SNX29: variants seen among roughly 807,000 people sequenced by gnomAD.
The protein encoded by SNX29 is sorting nexin-29.
In SNX29, 78 loss-of-function variants were observed where a neutral mutation model predicts 102.1. The observed-to-expected ratio is 0.76, with a 90% CI of 0.64 to 0.92. The LOEUF is 0.92. SNX29 is among the 40% of genes least tolerant of loss of function. The pLI is 0.00. For missense variants in SNX29, 1,280 were observed against 1,061.7 expected (o/e 1.21, Z -2.86); for synonymous variants, 580 against 414.5 (o/e 1.40, Z -4.85).
rs562202203 is a variant in SNX29, at chr16:12,571,137, C to T, written c.*2508C>T. The T allele has an allele frequency of 8.1e-4, 189 of 232,682 alleles. No individual in the cohort carries two copies. The highest frequency in any genetic ancestry group is 4.1e-3 in the African/African-American group (184 of 45,398). 14.4% of individuals were successfully genotyped at this position (232,682 alleles called of 1,614,324 possible). A position where few individuals can be genotyped will look rare whatever the true frequency, so the allele number is the denominator to read the frequency against. On this transcript the variant is annotated 3_prime_UTR_variant, in exon 21 of 21. Transcript: ENST00000566228. ...ATAGAATGTTCTGCAATGATTGGGTCCATCTTGCTGCTCAGAAGAATCCCG... is the reference window on the plus strand; with the variant it reads ...ATAGAATGTTCTGCAATGATTGGGTTCATCTTGCTGCTCAGAAGAATCCCG...
At chr16:12,001,711 A>G (rs1333460111) in intron 2 of SNX29, among the ~76,000 whole-genome samples, 1 of 152,188 alleles carries the variant, frequency 6.6e-6, no homozygotes, top group Non-Finnish European at 1.5e-5. Context: ...CAGAGATACT[A>G]TACCTTTAAA....
At chr16:12,129,334 G>A (rs1462351185) in intron 12 of SNX29, among the ~76,000 whole-genome samples, 3 of 152,182 alleles carry the variant, frequency 2.0e-5, no homozygotes, top group Non-Finnish European at 4.4e-5. Flanking sequence ...GACTTGGCTG[G>A]AATTTGCTCA....
At chr16:12,256,204 A>G (rs557782245) in intron 14 of SNX29, among the ~76,000 whole-genome samples, 1 of 152,240 alleles carries the variant, frequency 6.6e-6, no homozygotes, top group East Asian at 1.9e-4. Context: ...TCCTGTGTCC[A>G]TTTTTTAATC....
At chr16:12,347,914 C>CAAA (rs386384275) in intron 15 of SNX29, among the ~76,000 whole-genome samples, 66 of 121,118 alleles carry the variant, frequency 5.4e-4, no homozygotes, top group East Asian at 4.6e-3. Context: ...CCTGTCTTTA[C>CAAA]AAAAAAAAAA....
At chr16:12,529,072 A>C (rs766165728) in intron 20 of SNX29, among the ~76,000 whole-genome samples, 1 of 152,234 alleles carries the variant, frequency 6.6e-6, no homozygotes, top group South Asian at 2.1e-4. Context: ...CCATCTGCAC[A>C]AATCTGAGTT....
Position 12,042,793 on chromosome 16 carries a change from T to C in SNX29, c.248-104T>C, listed in dbSNP as rs1270686078. On this transcript the variant is annotated intron_variant, in intron 4 of 20. Coordinates refer to ENST00000566228, the MANE Select transcript of SNX29 (RefSeq NM_032167.5). ...TCCTACCTTTTCCATGCTAAGGGGA[T>C]ACTCTGTTACAATCTCCAACTTCGC... 4 of 1,159,110 alleles carry C rather than the reference T, an allele frequency of 3.5e-6. No individual in the cohort carries two copies. The African/African-American group carries it at 6.2e-5, about 18-fold the overall frequency. The allele number at this position is 1,159,110 out of a possible 1,614,324, so 71.8% of individuals were successfully genotyped here.
chr16:12,420,014 C>T (rs2084808388), intron 18 of SNX29, among the ~76,000 whole-genome samples: 1 of 152,208 alleles, frequency 6.6e-6, no homozygotes, highest in Non-Finnish European at 1.5e-5. Flanking sequence ...ATATGTGCAT[C>T]TCCACACCAG....
chr16:12,133,195 G>A (rs185586485), intron 13 of SNX29, among the ~76,000 whole-genome samples: 3 of 152,058 alleles, frequency 2.0e-5, no homozygotes, highest in Admixed American at 6.5e-5. Flanking sequence ...TTGTACTGAC[G>A]GGGTCAGACC....
At chr16:12,339,370 CA>C (rs58148692) in intron 15 of SNX29, among the ~76,000 whole-genome samples, 3,644 of 55,940 alleles carry the variant, frequency 0.065, 109 homozygotes, top group African/African-American at 0.22. Flanking sequence ...GATTCTGTCT[CA>C]AAAAAAAAAA....
rs192838073 is a variant in SNX29 at position 12,268,681 on chromosome 16, A to G, written c.1679-9252A>G. Among the ~76,000 whole-genome samples the G allele has an allele frequency of 2.0e-5, 3 of 152,284 alleles. No homozygotes were observed. The East Asian group carries it at 5.8e-4, about 29-fold the overall frequency. On this transcript the variant is annotated intron_variant, in intron 14 of 20. Coordinates refer to ENST00000566228, the MANE Select transcript of SNX29 (RefSeq NM_032167.5). ...GGCATACCTCATTTTATGCATTTGA[A>G]TGTCCTGGAAAACCATCTCTGAATT...
chr16:12,570,983 C>G lies in SNX29; in HGVS notation c.*2354C>G. The G allele has an allele frequency of 4.3e-6, 1 of 232,566 alleles. No homozygotes were observed. The highest frequency in any genetic ancestry group is 8.5e-6 in the Non-Finnish European group (1 of 117,586). The allele number at this position is 232,566 out of a possible 1,614,324, so 14.4% of individuals were successfully genotyped here. The stretch of plus-strand genomic sequence containing the variant: ...AGCTGCCTGCTCCTGGTACCTCCCC[C>G]ATGATCATGCACAGACCGTAGAGTC... On this transcript the variant is annotated 3_prime_UTR_variant, in exon 21 of 21. Transcript: ENST00000566228.
intron 15 of SNX29, among the ~76,000 whole-genome samples, chr16:12,303,568 A>G (rs971758315): frequency 1.3e-5 from 2 of 152,358 alleles, no homozygotes; most frequent in East Asian, 1.9e-4. Context: ...GTGGGAAGCT[A>G]TACGGAAAGG....
chr16:12,124,371 C>T (rs954031426), intron 11 of SNX29, among the ~76,000 whole-genome samples: 2 of 139,644 alleles, frequency 1.4e-5, no homozygotes, highest in African/African-American at 5.4e-5. Flanking sequence ...AAAAAAAAAA[C>T]TGATATTCTT....
chr16:12,177,246 C>G (rs2076281146), intron 13 of SNX29, among the ~76,000 whole-genome samples: 1 of 152,192 alleles, frequency 6.6e-6, no homozygotes, highest in African/African-American at 2.4e-5. Flanking sequence ...GCCACCATGC[C>G]TGGCTGAGTT....
intron 14 of SNX29, among the ~76,000 whole-genome samples, chr16:12,204,310 CAT>C (rs2141996558): frequency 6.6e-6 from 1 of 152,300 alleles, no homozygotes; most frequent in East Asian, 1.9e-4. Flanking sequence ...TTCTATAGCT[CAT>C]GTGTTCTATG....
At chr16:12,123,054 T>C (rs2054045125) in intron 11 of SNX29, among the ~76,000 whole-genome samples, 1 of 152,156 alleles carries the variant, frequency 6.6e-6, no homozygotes, top group South Asian at 2.1e-4. Flanking sequence ...CTTGAACTCC[T>C]GACCTCAAGT....
At chr16:11,991,414 G>A (rs1242297513) in intron 1 of SNX29, among the ~76,000 whole-genome samples, 1 of 152,184 alleles carries the variant, frequency 6.6e-6, no homozygotes, top group African/African-American at 2.4e-5. Context: ...TGAAGGAAGA[G>A]CCATGCCAGG....
chr16:12,361,072 C>T (rs1222688611), intron 16 of SNX29, among the ~76,000 whole-genome samples: 3 of 152,202 alleles, frequency 2.0e-5, no homozygotes, highest in South Asian at 2.1e-4. Flanking sequence ...CCCTGCCACC[C>T]GTGTTGCACA....
intron 20 of SNX29, among the ~76,000 whole-genome samples, chr16:12,565,113 C>T (rs1313654913): frequency 6.7e-6 from 1 of 149,216 alleles, no homozygotes; most frequent in Non-Finnish European, 1.5e-5. Flanking sequence ...AGTACTGGCC[C>T]TAGTCTCTTA....
Sources: gnomAD v4.1 joint callset for allele counts (sites outside exome capture counted in the v4.1 genomes callset) on GRCh38, gnomAD v4.1.1 for gene constraint, MANE v1.5 for transcripts, NCBI Gene and HGNC (gene_info 2026-07-23, HGNC 2026-07-21) for gene names.